Variants in CWC27 observed in about 807,000 individuals in gnomAD.
CWC27 encodes CWC27 spliceosome associated cyclophilin.
In CWC27, 47 loss-of-function variants were observed where a neutral mutation model predicts 63.6. The ratio of observed to expected loss-of-function variants is 0.74; its 90% CI spans 0.58 to 0.94. The LOEUF (loss-of-function observed/expected upper bound fraction) is 0.94. CWC27 is among the 40% of genes least tolerant of loss of function. The pLI, the probability that CWC27 is intolerant of heterozygous loss-of-function variation, is 0.00. For synonymous variants in CWC27, 175 were observed against 179.8 expected (o/e 0.97, Z 0.22); for missense variants, 495 against 554.3 (o/e 0.89, Z 1.07).
At chr5:64,804,467 C>A in intron 10 of CWC27, 81 bp downstream of exon 10, 1 of 1,317,014 alleles carries the variant, frequency 7.6e-7, no homozygotes, top group Non-Finnish European at 1.0e-6. Context: ...CTCTCTTCAG[C>A]TAATTTTTAA....
At chr5:64,929,787 CT>C (rs1482694437) in intron 11 of CWC27, among the ~76,000 whole-genome samples, 1 of 151,596 alleles carries the variant, frequency 6.6e-6, no homozygotes, top group African/African-American at 2.4e-5. Context: ...AATGGTACAA[CT>C]GCTTTGGAAA....
At chr5:64,828,923 C>T (rs1745439677) in intron 10 of CWC27, among the ~76,000 whole-genome samples, 1 of 151,942 alleles carries the variant, frequency 6.6e-6, no homozygotes. Flanking sequence ...GGGCAGGAAG[C>T]CACCTAGAGA....
chr5:64,921,704 G>A (rs1748002074), intron 11 of CWC27, among the ~76,000 whole-genome samples: 1 of 152,116 alleles, frequency 6.6e-6, no homozygotes, highest in Non-Finnish European at 1.5e-5. Context: ...TCATCATGTT[G>A]TTACCTGTGT....
At chr5:65,015,616 A>G (rs1750036397) in intron 13 of CWC27, among the ~76,000 whole-genome samples, 1 of 152,180 alleles carries the variant, frequency 6.6e-6, no homozygotes, top group Non-Finnish European at 1.5e-5. Flanking sequence ...ACTTCTCATC[A>G]GTGGTAATAT....
chr5:64,975,160 CT>C (rs1331707153), intron 12 of CWC27, among the ~76,000 whole-genome samples: 2 of 152,104 alleles, frequency 1.3e-5, no homozygotes, highest in Non-Finnish European at 2.9e-5. Context: ...GTAGAAGATG[CT>C]TTTTACTATC....
intron 11 of CWC27, among the ~76,000 whole-genome samples, chr5:64,953,166 C>T (rs1205849696): frequency 1.3e-5 from 2 of 152,130 alleles, no homozygotes; most frequent in Non-Finnish European, 2.9e-5. Context: ...GCTTGGCAGA[C>T]TATTAAGAAA....
At chr5:64,772,221 C>T (rs1009886773) in intron 1 of CWC27, among the ~76,000 whole-genome samples, 1 of 152,130 alleles carries the variant, frequency 6.6e-6, no homozygotes, top group Non-Finnish European at 1.5e-5. Flanking sequence ...GGTTTCTAAA[C>T]CAGTGAGTGC....
intron 11 of CWC27, among the ~76,000 whole-genome samples, chr5:64,948,936 A>G (rs1220062063): frequency 6.6e-6 from 1 of 152,020 alleles, no homozygotes; most frequent in African/African-American, 2.4e-5. Flanking sequence ...CCATAGTAGA[A>G]GCAGAAATCA....
chr5:64,840,923 G>A (rs948463942), intron 10 of CWC27, among the ~76,000 whole-genome samples: 1 of 152,148 alleles, frequency 6.6e-6, no homozygotes, highest in African/African-American at 2.4e-5. Flanking sequence ...AGGATGTGGG[G>A]ACTGACACAT....
At chr5:64,776,318 G>A (rs183662724) in intron 2 of CWC27, among the ~76,000 whole-genome samples, 146 of 152,152 alleles carry the variant, frequency 9.6e-4, no homozygotes, top group Non-Finnish European at 1.0e-3. Flanking sequence ...TTTACAGAAG[G>A]AGAGTAAAAT....
chr5:64,945,170 A>G (rs1283006967), intron 11 of CWC27, among the ~76,000 whole-genome samples: 1 of 152,136 alleles, frequency 6.6e-6, no homozygotes, highest in Non-Finnish European at 1.5e-5. Context: ...CACCTTCTCA[A>G]TGAGACTTTC....
chr5:64,891,502 A>G (rs1317557685), intron 11 of CWC27, among the ~76,000 whole-genome samples: 1 of 152,178 alleles, frequency 6.6e-6, no homozygotes, highest in East Asian at 1.9e-4. Context: ...ATACCCTCAC[A>G]ATTACATGAA....
intron 10 of CWC27, among the ~76,000 whole-genome samples, chr5:64,851,996 T>C (rs957608744): frequency 1.3e-5 from 2 of 152,204 alleles, no homozygotes; most frequent in Admixed American, 1.3e-4. Flanking sequence ...GAAAAGTTTA[T>C]AAACAACTAT....
intron 10 of CWC27, among the ~76,000 whole-genome samples, chr5:64,831,993 A>G (rs1561426663): frequency 6.6e-6 from 1 of 151,940 alleles, no homozygotes; most frequent in Non-Finnish European, 1.5e-5. Flanking sequence ...ATTTAATAGC[A>G]CATATATTTG....
At chr5:64,984,133 T>C (rs921898924) in intron 13 of CWC27, among the ~76,000 whole-genome samples, 1 of 152,124 alleles carries the variant, frequency 6.6e-6, no homozygotes, top group Admixed American at 6.5e-5. Context: ...ACACCTGGCC[T>C]TTAGTTGTTT....
intron 11 of CWC27, among the ~76,000 whole-genome samples, chr5:64,926,234 ATTAT>A (rs1428850005): frequency 6.6e-6 from 1 of 152,082 alleles, no homozygotes; most frequent in Non-Finnish European, 1.5e-5. Context: ...CTAAATACAC[ATTAT>A]TTATGAAATT....
chr5:64,884,947 T>C (rs1173811705), intron 10 of CWC27, among the ~76,000 whole-genome samples: 1 of 152,126 alleles, frequency 6.6e-6, no homozygotes, highest in East Asian at 1.9e-4. Flanking sequence ...GTTAAAAACT[T>C]GGGTTTAAAA....
chr5:64,944,182 T>TA (rs879728305), intron 11 of CWC27, among the ~76,000 whole-genome samples: 67 of 146,474 alleles, frequency 4.6e-4, no homozygotes, highest in African/African-American at 5.5e-4. Flanking sequence ...ATTTCTTCAT[T>TA]AAAAAAAAAA....
At chr5:64,928,619 G>T (rs1204933996) in intron 11 of CWC27, among the ~76,000 whole-genome samples, 2 of 152,038 alleles carry the variant, frequency 1.3e-5, no homozygotes, top group African/African-American at 4.8e-5. Context: ...GAAAAACCAT[G>T]GGAATGATAA....
Sources: gnomAD v4.1 joint callset for allele counts (sites outside exome capture counted in the v4.1 genomes callset) on GRCh38, gnomAD v4.1.1 for gene constraint, MANE v1.5 for transcripts, NCBI Gene and HGNC (gene_info 2026-07-23, HGNC 2026-07-21) for gene names.